ECHDC1: variants seen among roughly 807,000 people sequenced by gnomAD.
ECHDC1 encodes the protein ethylmalonyl-CoA decarboxylase.
ECHDC1 carries 29 observed loss-of-function variants against 29.7 expected under a neutral mutation model. The ratio of observed to expected loss-of-function variants is 0.98; its 90% CI spans 0.73 to 1.33. The LOEUF (loss-of-function observed/expected upper bound fraction) is 1.33. Ranked by LOEUF, ECHDC1 falls within the 40% of genes most tolerant of loss-of-function variation. The pLI is 0.00. For missense variants in ECHDC1, 328 were observed against 350.0 expected, an observed-to-expected ratio of 0.94 and a Z score of 0.50; for synonymous variants, 126 against 123.1, an observed-to-expected ratio of 1.02 and a Z score of -0.15.
At chr6:127,331,119 C>T in intron 1 of ECHDC1, 89 bp from the exon 2 acceptor site, 1 of 952,224 alleles carries the variant, frequency 1.1e-6, no homozygotes. Flanking sequence ...AGTAATGGAC[C>T]CTTCTGTTGA....
At position 127,291,559 on chromosome 6, in the gene ECHDC1, G is replaced by A. The variant is rs775816301; in HGVS notation, c.498-1282C>T. On this transcript the variant is annotated intron_variant, in intron 5 of 5. Coordinates refer to ENST00000454859, the MANE Select transcript of ECHDC1 (RefSeq NM_001002030.2). The stretch of plus-strand genomic sequence containing the variant: ...GGAGTTAACATTTGCCAGTTCAACA[G>A]ACTGAGTAAAGCTACACGATTTAGC... Among the ~76,000 whole-genome samples, 3 of 152,130 alleles carry A rather than the reference G, an allele frequency of 2.0e-5. No individual in the cohort carries two copies. In the South Asian group the frequency reaches 6.2e-4, roughly 31 times the overall value.
At chr6:127,309,811 C>T (rs1036124808) in intron 5 of ECHDC1, among the ~76,000 whole-genome samples, 17 of 152,190 alleles carry the variant, frequency 1.1e-4, no homozygotes, top group African/African-American at 4.1e-4. Context: ...GAAGCGGAAG[C>T]AGGCATATCT....
intron 3 of ECHDC1, among the ~76,000 whole-genome samples, chr6:127,323,117 T>C (rs1281299873): frequency 3.3e-5 from 5 of 152,152 alleles, no homozygotes; most frequent in South Asian, 2.1e-4. Flanking sequence ...GTTTAAGGTG[T>C]ATATGAAATA....
chr6:127,318,696 T>C (rs556379005), intron 3 of ECHDC1, among the ~76,000 whole-genome samples: 8 of 152,340 alleles, frequency 5.3e-5, no homozygotes, highest in Non-Finnish European at 1.0e-4. Flanking sequence ...ATGGTGACAG[T>C]ATGCCTTCCC....
chr6:127,289,999 T>G lies in ECHDC1; in HGVS notation c.776A>C (p.Lys259Thr). 1 of 1,613,744 alleles carries G rather than the reference T, an allele frequency of 6.2e-7. No homozygotes were observed. Among genetic ancestry groups the G allele is most frequent in the Non-Finnish European group, 8.5e-7 (1 of 1,179,770 alleles). Residue 259 changes from lysine (K) to threonine (T), a missense_variant, in exon 6 of 6, where the codon AAA becomes ACA. Coordinates refer to ENST00000454859, the MANE Select transcript of ECHDC1 (RefSeq NM_001002030.2). ...GPPEVIRALK[K>T]SVCSGRELYL... Reference sequence around the variant, plus strand: ...TAGCTCTCTGCCTGAACAAACAGATTTTTTCAAAGCTCTAATTACTTCCGG... The same window carrying G: ...TAGCTCTCTGCCTGAACAAACAGATGTTTTCAAAGCTCTAATTACTTCCGG...
At chr6:127,321,323 A>C (rs1198014743) in intron 3 of ECHDC1, among the ~76,000 whole-genome samples, 1 of 152,174 alleles carries the variant, frequency 6.6e-6, no homozygotes, top group Non-Finnish European at 1.5e-5. Flanking sequence ...TAAGTTTCAG[A>C]ATGTTTCAGC....
At chr6:127,293,919 C>A (rs981054893) in intron 5 of ECHDC1, among the ~76,000 whole-genome samples, 3 of 152,122 alleles carry the variant, frequency 2.0e-5, no homozygotes, top group Admixed American at 2.0e-4. Flanking sequence ...AGCAAATACT[C>A]TTCTTCTTCG....
chr6:127,325,962 C>T (rs1245851846), intron 3 of ECHDC1, among the ~76,000 whole-genome samples: 4 of 152,098 alleles, frequency 2.6e-5, no homozygotes, highest in Non-Finnish European at 5.9e-5. Context: ...CTCAGCCTAC[C>T]AAAGCACTCA....
chr6:127,298,566 A>G (rs919695488), intron 5 of ECHDC1, among the ~76,000 whole-genome samples: 2 of 152,198 alleles, frequency 1.3e-5, no homozygotes, highest in African/African-American at 4.8e-5. Flanking sequence ...AATAATGTCT[A>G]TATCAGAGAA....
At chr6:127,310,396 A>T (rs1013801071) in intron 5 of ECHDC1, among the ~76,000 whole-genome samples, 9 of 146,082 alleles carry the variant, frequency 6.2e-5, no homozygotes, top group South Asian at 2.2e-4. Context: ...GTTAAAAATT[A>T]AAAAAAAAAA....
chr6:127,296,564 T>C (rs1320501895), intron 5 of ECHDC1, among the ~76,000 whole-genome samples: 1 of 152,020 alleles, frequency 6.6e-6, no homozygotes, highest in African/African-American at 2.4e-5. Context: ...ACTTCACAGA[T>C]AATGACATTA....
rs1344049681 is a variant in ECHDC1 at position 127,290,098 on chromosome 6, A to C, written c.677T>G (p.Val226Gly). 4.3e-6 allele frequency: 7 copies of C among 1,613,546 alleles called. No individual in the cohort carries two copies. The highest frequency in any genetic ancestry group is 5.1e-6 in the Non-Finnish European group (6 of 1,179,732). ...TTTAGTTTCATCTGAAGACTGCAAG[A>C]CCTCTTCAACCATTCCTATGTTTAG... is the stretch of plus-strand genomic sequence containing the variant. ...NALNIGMVEEVLQSSDETKSL... is the reference protein window; with the variant it reads ...NALNIGMVEEGLQSSDETKSL... The change falls in exon 6 of 6, where the codon GTC becomes GGC. Residue 226 changes from valine to glycine, a missense_variant. Coordinates refer to ENST00000454859, the MANE Select transcript of ECHDC1 (RefSeq NM_001002030.2).
Position 127,314,890 on chromosome 6 carries a change from AG to A in ECHDC1, c.422del (p.Pro141LeufsTer2), listed in dbSNP as rs777898254. 113 of 1,611,660 alleles carry A rather than the reference AG, an allele frequency of 7.0e-5. No homozygotes were observed. The highest frequency in any genetic ancestry group is 9.1e-5 in the Non-Finnish European group (107 of 1,178,922). On this transcript the variant is annotated frameshift_variant, in exon 5 of 6. Coordinates refer to ENST00000454859, the MANE Select transcript of ECHDC1 (RefSeq NM_001002030.2). LOFTEE classifies it high-confidence loss of function. The stretch of plus-strand genomic sequence containing the variant: ...CTTGAACCAGCGCAACACTTATTAA[AG>A]GAAGTCTGTATATTGAAGAAAAAAC... ...QNTLTRFMRL[P>X]LISVALVQGW... is the part of the protein sequence containing the mutation.
At chr6:127,305,449 C>T (rs772634185) in intron 5 of ECHDC1, among the ~76,000 whole-genome samples, 19 of 152,048 alleles carry the variant, frequency 1.2e-4, no homozygotes, top group Middle Eastern at 3.2e-3. Flanking sequence ...AGAAAGAAAA[C>T]GATGTCAATG....
In ECHDC1 at chr6:127,327,106, A is replaced by G; in HGVS notation, c.259T>C (p.Leu87=). Reference sequence around the variant, plus strand: ...CCTTTCCCCTCTGTCCAATTTTCCAATTCAATTACTTTTTCCAGAAGTTGT... The same window carrying G: ...CCTTTCCCCTCTGTCCAATTTTCCAGTTCAATTACTTTTTCCAGAAGTTGT... ...MLQLLEKVIE[L]ENWTEGKGLI... The change falls in exon 3 of 6, where the codon TTG becomes CTG. Residue 87 remains leucine, a synonymous_variant. Transcript: ENST00000454859. 6.2e-7 allele frequency: 1 copy of G among 1,614,034 alleles called. No individual in the cohort carries two copies. Among genetic ancestry groups the G allele is most frequent in the Non-Finnish European group, 8.5e-7 (1 of 1,179,962 alleles).
intron 2 of ECHDC1, among the ~76,000 whole-genome samples, chr6:127,328,806 C>G (rs1783613034): frequency 6.6e-6 from 1 of 152,126 alleles, no homozygotes; most frequent in African/African-American, 2.4e-5. Context: ...GCGGGCAGAT[C>G]ACGAGGTCAG....
chr6:127,316,552 C>T (rs1782398542), intron 3 of ECHDC1, 50 bp from the exon 4 acceptor site: 1 of 1,469,676 alleles, frequency 6.8e-7, no homozygotes, highest in East Asian at 2.4e-5. Context: ...AAATATATTA[C>T]ATTAAATTTT....
intron 2 of ECHDC1, among the ~76,000 whole-genome samples, chr6:127,329,402 T>C (rs1783705005): frequency 6.6e-6 from 1 of 152,244 alleles, no homozygotes; most frequent in East Asian, 1.9e-4. Flanking sequence ...AAATTATTTG[T>C]AACTTTTCAG....
At chr6:127,338,917 G>A (rs1026203669) in intron 1 of ECHDC1, among the ~76,000 whole-genome samples, 8 of 152,092 alleles carry the variant, frequency 5.3e-5, no homozygotes, top group African/African-American at 1.9e-4. Flanking sequence ...CCTAGATAAT[G>A]CATCCACAGT....
Sources: gnomAD v4.1 joint callset for allele counts (sites outside exome capture counted in the v4.1 genomes callset) on GRCh38, gnomAD v4.1.1 for gene constraint, MANE v1.5 for transcripts, NCBI Gene and HGNC (gene_info 2026-07-23, HGNC 2026-07-21) for gene names.